Variants in SLFN11 observed in about 807,000 individuals in gnomAD.
The protein encoded by SLFN11 is schlafen family member 11.
SLFN11 carries 43 observed loss-of-function variants against 53.4 expected under a neutral mutation model. The observed-to-expected ratio is 0.80, with a 90% CI of 0.63 to 1.04. The LOEUF (loss-of-function observed/expected upper bound fraction) is 1.04. Ranked by LOEUF, SLFN11 falls within the 50% of genes least tolerant of loss-of-function variation. SLFN11 has a pLI of 0.00. For synonymous variants in SLFN11, 389 were observed against 394.7 expected (o/e 0.99, Z 0.17); for missense variants, 990 against 1,079.1 (o/e 0.92, Z 1.16).
intron 1 of SLFN11, among the ~76,000 whole-genome samples, chr17:35,370,170 G>A (rs778756069): frequency 6.6e-6 from 1 of 152,116 alleles, no homozygotes; most frequent in African/African-American, 2.4e-5. Flanking sequence ...TGCAAGGATG[G>A]TTCAACGTAT....
intron 5 of SLFN11, among the ~76,000 whole-genome samples, chr17:35,357,650 A>G (rs923957133): frequency 6.7e-6 from 1 of 148,684 alleles, no homozygotes; most frequent in African/African-American, 2.4e-5. Context: ...CAGATCCTAC[A>G]TTCTGTAACT....
At chr17:35,373,261 C>T (rs2142004521) in intron 1 of SLFN11, among the ~76,000 whole-genome samples, 1 of 148,622 alleles carries the variant, frequency 6.7e-6, no homozygotes, top group East Asian at 2.0e-4. Context: ...GCCTTCTACC[C>T]CCATTACCCA....
Position 35,351,171 on chromosome 17 carries a change from G to A in SLFN11, c.*1185C>T, listed in dbSNP as rs1444798214. 1 of 152,248 alleles carries A rather than the reference G, an allele frequency of 6.6e-6. No individual in the cohort carries two copies. The highest frequency in any genetic ancestry group is 1.5e-5 in the Non-Finnish European group (1 of 68,098). The allele number at this position is 152,248 out of a possible 1,614,324, so 9.4% of individuals were successfully genotyped here. A position where few individuals can be genotyped will look rare whatever the true frequency, so the allele number is the denominator to read the frequency against. On this transcript the variant is annotated 3_prime_UTR_variant, in exon 7 of 7. Transcript: ENST00000685675. Reference sequence around the variant, plus strand: ...GTGAGGCTTCTCCTCTTGGCTTGTAGGTGGCTGCCATCTCTCTGTGTGCTC... The same window carrying A: ...GTGAGGCTTCTCCTCTTGGCTTGTAAGTGGCTGCCATCTCTCTGTGTGCTC...
chr17:35,360,126 T>C (rs1908014453), intron 5 of SLFN11, 117 bp downstream of exon 5: 2 of 1,059,440 alleles, frequency 1.9e-6, no homozygotes, highest in East Asian at 5.0e-5. Context: ...CATCATCACG[T>C]CTTACAAATG....
Position 35,352,507 on chromosome 17 carries a change from T to C in SLFN11, c.2555A>G (p.Asp852Gly), listed in dbSNP as rs751248320. 6.2e-6 allele frequency: 10 copies of C among 1,614,046 alleles called. No homozygotes were observed. In the East Asian group the frequency reaches 1.8e-4, roughly 29 times the overall value. ...CAGGCCTGAGAATCGCCGAACACTG[T>C]CCAACACAATGTGATCACCCAACAT... ...CDMLGDHIVL[D>G]SVRRFSGLER... The change falls in exon 7 of 7, where the codon GAC becomes GGC. Residue 852 changes from aspartate (D) to glycine (G), a missense_variant. By Grantham distance (94) the Asp-to-Gly change is moderately conservative. Around this residue, in one of 3 missense-constraint regions of SLFN11, gnomAD observed 313 missense variants for 320.9 expected, o/e 0.98. Coordinates refer to ENST00000685675, the MANE Select transcript of SLFN11 (RefSeq NM_001376007.1).
chr17:35,369,980 A>G (rs1909445650), intron 1 of SLFN11, among the ~76,000 whole-genome samples: 1 of 152,172 alleles, frequency 6.6e-6, no homozygotes, highest in South Asian at 2.1e-4. Context: ...TTCAAAAATT[A>G]GAGAAGGAGG....
intron 1 of SLFN11, among the ~76,000 whole-genome samples, chr17:35,370,503 G>T (rs1200586949): frequency 6.6e-6 from 1 of 151,722 alleles, no homozygotes; most frequent in Non-Finnish European, 1.5e-5. Context: ...AGAAATAAAG[G>T]GCATCTAAAT....
At chr17:35,358,297 T>C (rs1414228292) in intron 5 of SLFN11, among the ~76,000 whole-genome samples, 3 of 151,630 alleles carry the variant, frequency 2.0e-5, no homozygotes, top group Non-Finnish European at 4.4e-5. Context: ...CTAATATAAG[T>C]ACTTATATTC....
At chr17:35,355,723 G>A (rs188515035) in intron 5 of SLFN11, among the ~76,000 whole-genome samples, 1 of 152,072 alleles carries the variant, frequency 6.6e-6, no homozygotes, top group East Asian at 1.9e-4. Flanking sequence ...GACCAGACTA[G>A]GTGTTCAATT....
intron 1 of SLFN11, among the ~76,000 whole-genome samples, chr17:35,370,007 A>G (rs1909449534): frequency 6.6e-6 from 1 of 152,148 alleles, no homozygotes; most frequent in Non-Finnish European, 1.5e-5. Flanking sequence ...TTACAAACTC[A>G]TTCTATAAGG....
chr17:35,371,145 A>T (rs1157444223), intron 1 of SLFN11, among the ~76,000 whole-genome samples: 2 of 152,132 alleles, frequency 1.3e-5, no homozygotes, highest in Non-Finnish European at 2.9e-5. Flanking sequence ...GGAACAGAAT[A>T]GAGAACCCAG....
At chr17:35,366,284 G>A (rs559681132) in intron 3 of SLFN11, among the ~76,000 whole-genome samples, 1 of 152,176 alleles carries the variant, frequency 6.6e-6, no homozygotes, top group South Asian at 2.1e-4. Flanking sequence ...AATAAAGAAG[G>A]AGCGTGAACT....
Position 35,362,735 on chromosome 17 carries a change from T to C in SLFN11, c.1069+4A>G, listed in dbSNP as rs1908381718. The C allele has an allele frequency of 3.2e-6, 5 of 1,540,904 alleles. No homozygotes were observed. The highest frequency in any genetic ancestry group is 3.5e-4 in the Middle Eastern group (2 of 5,662). ...CAGGGAGGGAGGAGCTTTCTCCCTCTTACCTGGATCTGTGTCTGTCATCAT... is the reference window on the plus strand; with the variant it reads ...CAGGGAGGGAGGAGCTTTCTCCCTCCTACCTGGATCTGTGTCTGTCATCAT... On this transcript the variant is annotated splice_donor_region_variant and intron_variant, in intron 4 of 6. Coordinates refer to ENST00000685675, the MANE Select transcript of SLFN11 (RefSeq NM_001376007.1).
chr17:35,357,017 G>A (rs184176856), intron 5 of SLFN11, among the ~76,000 whole-genome samples: 166 of 151,988 alleles, frequency 1.1e-3, no homozygotes, highest in African/African-American at 3.8e-3. Context: ...TCCAGTAGAC[G>A]GAAATAATTC....
intron 5 of SLFN11, among the ~76,000 whole-genome samples, chr17:35,356,793 A>G (rs1907532584): frequency 8.0e-6 from 1 of 125,158 alleles, no homozygotes; most frequent in African/African-American, 3.5e-5. Context: ...AAGCATATGT[A>G]GCATACACAC....
chr17:35,361,965 C>T (rs951388155), intron 4 of SLFN11, among the ~76,000 whole-genome samples: 2 of 151,944 alleles, frequency 1.3e-5, no homozygotes, highest in Non-Finnish European at 2.9e-5. Context: ...TGAACTCCTG[C>T]TCAGGTGATC....
chr17:35,359,432 A>G (rs919656023), intron 5 of SLFN11, among the ~76,000 whole-genome samples: 1 of 152,174 alleles, frequency 6.6e-6, no homozygotes, highest in South Asian at 2.1e-4. Context: ...ATATTTACAC[A>G]TATATAGGAC....
chr17:35,361,707 G>A (rs915628463), intron 4 of SLFN11, among the ~76,000 whole-genome samples: 1 of 151,890 alleles, frequency 6.6e-6, no homozygotes, highest in Non-Finnish European at 1.5e-5. Flanking sequence ...TCTTAATTTA[G>A]GCAGGGTACT....
intron 3 of SLFN11, among the ~76,000 whole-genome samples, chr17:35,364,706 A>G (rs181307108): frequency 6.6e-6 from 1 of 152,294 alleles, no homozygotes; most frequent in Admixed American, 6.5e-5. Flanking sequence ...CCTATAAAAC[A>G]TGGTGCATCC....
Sources: allele counts gnomAD v4.1 joint callset (sites outside exome capture counted in the v4.1 genomes callset), GRCh38; gene constraint gnomAD v4.1.1; regional missense constraint gnomAD v4.1.1; transcripts MANE v1.5; gene names NCBI Gene and HGNC (gene_info 2026-07-23, HGNC 2026-07-21).